The following ZNF282 variants were observed in gnomAD, a reference collection of about 807,000 sequenced individuals.
ZNF282 encodes the protein zinc finger protein 282, also known as HTLV-I U5 repressive element-binding protein 1.
ZNF282 carries 30 observed loss-of-function variants against 61.9 expected under a neutral mutation model. The ratio of observed to expected loss-of-function variants is 0.48; its 90% CI spans 0.36 to 0.66. The LOEUF (loss-of-function observed/expected upper bound fraction) is 0.66, where lower values mean the gene tolerates loss of function less well. ZNF282 is among the 30% of genes least tolerant of loss of function. ZNF282 has a pLI of 0.00. For missense variants in ZNF282, 788 were observed against 941.4 expected (o/e 0.84, Z 2.13); for synonymous variants, 396 against 405.0 (o/e 0.98, Z 0.27).
At chr7:149,196,159 C>T (rs1234835266) in intron 1 of ZNF282, among the ~76,000 whole-genome samples, 1 of 152,160 alleles carries the variant, frequency 6.6e-6, no homozygotes, top group Non-Finnish European at 1.5e-5. Context: ...GTGAATGCCT[C>T]GTTCGTGTTT....
chr7:149,196,787 G>A (rs1220920197), intron 1 of ZNF282, among the ~76,000 whole-genome samples: 1 of 152,154 alleles, frequency 6.6e-6, no homozygotes, highest in African/African-American at 2.4e-5. Context: ...TGCTTTTGAT[G>A]GAAACACCAG....
At position 149,210,719 on chromosome 7, in the gene ZNF282, C is replaced by T. The variant is rs1384514401; in HGVS notation, c.952+15C>T. On this transcript the variant is annotated intron_variant, in intron 5 of 7. Transcript: ENST00000610704. ...ATCCATTACCGGTGAGTGAGCCAAGCAGCCGTCCACACCAGGGAGGGGAGG... is the reference window on the plus strand; with the variant it reads ...ATCCATTACCGGTGAGTGAGCCAAGTAGCCGTCCACACCAGGGAGGGGAGG... 2 of 1,567,300 alleles carry T rather than the reference C, an allele frequency of 1.3e-6. No homozygotes were observed. The highest frequency in any genetic ancestry group is 2.7e-5 in the African/African-American group (2 of 73,868).
At chr7:149,197,088 G>A (rs1252056725) in intron 1 of ZNF282, among the ~76,000 whole-genome samples, 1 of 152,240 alleles carries the variant, frequency 6.6e-6, no homozygotes, top group African/African-American at 2.4e-5. Context: ...GGTCCCAGAT[G>A]ACCAGTGAAC....
intron 7 of ZNF282, 143 bp from the exon 8 acceptor site, chr7:149,223,666 AGAT>A: frequency 3.5e-6 from 3 of 865,498 alleles, no homozygotes; most frequent in Non-Finnish European, 4.7e-6. Context: ...AGGGCCACGT[AGAT>A]CGTGGCCCAG....
At chr7:149,223,280 A>AT (rs1796287981) in intron 7 of ZNF282, among the ~76,000 whole-genome samples, 1 of 138,498 alleles carries the variant, frequency 7.2e-6, no homozygotes, top group Non-Finnish European at 1.5e-5. Context: ...GGCCGAAAAG[A>AT]TTTGTTTTTT....
intron 4 of ZNF282, among the ~76,000 whole-genome samples, chr7:149,209,984 A>G (rs1486097257): frequency 1.3e-5 from 2 of 152,194 alleles, no homozygotes; most frequent in African/African-American, 2.4e-5. Flanking sequence ...AGGATCTGCT[A>G]TGTGTCATTT....
chr7:149,215,422 C>G (rs1006783980), intron 7 of ZNF282, among the ~76,000 whole-genome samples: 26 of 151,982 alleles, frequency 1.7e-4, no homozygotes, highest in African/African-American at 6.3e-4. Flanking sequence ...AGGCTGGTCT[C>G]GAACTCCTGA....
chr7:149,210,294 G>A (rs771553308), intron 4 of ZNF282, among the ~76,000 whole-genome samples: 21 of 152,128 alleles, frequency 1.4e-4, no homozygotes, highest in Non-Finnish European at 2.8e-4. Flanking sequence ...TCTCTTCAGT[G>A]TCATCACCCC....
Position 149,217,727 on chromosome 7 carries a change from G to T in ZNF282, c.1180+3913G>T, listed in dbSNP as rs1357703619. Among the ~76,000 whole-genome samples the T allele has an allele frequency of 4.6e-5, 7 of 152,294 alleles. No homozygotes were observed. The South Asian group carries it at 1.4e-3, about 32-fold the overall frequency. Reference sequence around the variant, plus strand: ...GGACATGAGGCAGAGCAAAGACAGAGTGGTCAGGAAAGGCCTCCGAGGGGA... The same window carrying T: ...GGACATGAGGCAGAGCAAAGACAGATTGGTCAGGAAAGGCCTCCGAGGGGA... On this transcript the variant is annotated intron_variant, in intron 7 of 7. Coordinates refer to ENST00000610704, the MANE Select transcript of ZNF282 (RefSeq NM_003575.4).
At chr7:149,205,862 G>T (rs1323366103) in intron 2 of ZNF282, among the ~76,000 whole-genome samples, 1 of 152,192 alleles carries the variant, frequency 6.6e-6, no homozygotes, top group East Asian at 1.9e-4. Context: ...ATTTCAGACC[G>T]AGAGTGAAAG....
chr7:149,198,511 A>G lies in ZNF282; in HGVS notation c.344A>G (p.Gln115Arg), dbSNP rs1585558718. 1 of 1,614,138 alleles carries G rather than the reference A, an allele frequency of 6.2e-7. No homozygotes were observed. Among genetic ancestry groups the G allele is most frequent in the Non-Finnish European group, 8.5e-7 (1 of 1,180,022 alleles). The change falls in exon 2 of 8, where the codon CAG becomes CGG. Residue 115 changes from glutamine to arginine, a missense_variant. Gln to Arg is a conservative substitution (Grantham distance 43, BLOSUM62 1). Around this residue, in one of 3 missense-constraint regions of ZNF282, gnomAD observed 92 missense variants for 163.9 expected, o/e 0.56. Coordinates refer to ENST00000610704, the MANE Select transcript of ZNF282 (RefSeq NM_003575.4). The surrounding 1 kb of genome is among the most constrained non-coding windows in gnomAD (Gnocchi z 4.3). Reference protein sequence around the residue: ...IQAVERKVDAQASQLLNLEGR... With the variant: ...IQAVERKVDARASQLLNLEGR... Reference sequence around the variant, plus strand: ...GCTGTGGAGAGGAAGGTGGATGCCCAGGCCAGCCAGCTGCTGAACCTGGAG... The same window carrying G: ...GCTGTGGAGAGGAAGGTGGATGCCCGGGCCAGCCAGCTGCTGAACCTGGAG...
In ZNF282 at chr7:149,224,014, C is replaced by G; in HGVS notation, c.1383C>G (p.Ser461=). The G allele has an allele frequency of 8.2e-7, 1 of 1,221,548 alleles. No homozygotes were observed. Among genetic ancestry groups the G allele is most frequent in the Non-Finnish European group, 1.0e-6 (1 of 980,670 alleles). The allele number at this position is 1,221,548 out of a possible 1,614,324, so 75.7% of individuals were successfully genotyped here. A position where few individuals can be genotyped will look rare whatever the true frequency, so the allele number is the denominator to read the frequency against. Residue 461 remains serine, a synonymous_variant, in exon 8 of 8, where the codon TCC becomes TCG. Coordinates refer to ENST00000610704, the MANE Select transcript of ZNF282 (RefSeq NM_003575.4). ...GFQVLPGERG[S]GEAPPGGDRS... ...AGGTGCTGCCCGGGGAGCGTGGCTC[C>G]GGCGAGGCGCCGCCGGGTGGGGACC...
At chr7:149,219,988 A>T (rs1585575359) in intron 7 of ZNF282, among the ~76,000 whole-genome samples, 1 of 152,190 alleles carries the variant, frequency 6.6e-6, no homozygotes, top group African/African-American at 2.4e-5. Flanking sequence ...CAGAAATGAC[A>T]TGTGAGGAGC....
At chr7:149,202,183 T>C (rs908344567) in intron 2 of ZNF282, among the ~76,000 whole-genome samples, 10 of 150,644 alleles carry the variant, frequency 6.6e-5, no homozygotes, top group Non-Finnish European at 1.0e-4. Flanking sequence ...GACAGAGTCT[T>C]GCCCAGGCTG....
intron 2 of ZNF282, among the ~76,000 whole-genome samples, chr7:149,200,766 T>G (rs532628899): frequency 3.3e-5 from 5 of 152,202 alleles, no homozygotes; most frequent in Non-Finnish European, 7.4e-5. Flanking sequence ...CACCTAATTT[T>G]TTGTATTTTT....
intron 2 of ZNF282, among the ~76,000 whole-genome samples, chr7:149,200,841 C>A (rs189766593): frequency 4.1e-4 from 63 of 152,304 alleles, no homozygotes; most frequent in Non-Finnish European, 7.2e-4. Flanking sequence ...AGGTGATCCA[C>A]CTGCCTGGGC....
intron 4 of ZNF282, among the ~76,000 whole-genome samples, chr7:149,210,100 G>T (rs1796059627): frequency 6.6e-6 from 1 of 151,938 alleles, no homozygotes; most frequent in African/African-American, 2.4e-5. Flanking sequence ...GTGCCTTTTT[G>T]CCCATCCCCG....
At chr7:149,213,891 C>A in intron 7 of ZNF282, 77 bp downstream of exon 7, 1 of 977,228 alleles carries the variant, frequency 1.0e-6, no homozygotes, top group Non-Finnish European at 1.6e-6. Context: ...AAGGCTGGTC[C>A]TCTTCTCAGC....
intron 7 of ZNF282, 109 bp from the exon 8 acceptor site, chr7:149,223,703 T>C: frequency 8.4e-7 from 1 of 1,197,206 alleles, no homozygotes; most frequent in Non-Finnish European, 1.1e-6. Context: ...CCCTCGTAGT[T>C]AGTGGAACTG....
Sources: allele counts gnomAD v4.1 joint callset (sites outside exome capture counted in the v4.1 genomes callset), GRCh38; gene constraint gnomAD v4.1.1; regional missense constraint gnomAD v4.1.1; non-coding constraint Gnocchi (gnomAD v3.1); transcripts MANE v1.5; gene names NCBI Gene and HGNC (gene_info 2026-07-23, HGNC 2026-07-21).